EPRS1: variants seen among roughly 807,000 people sequenced by gnomAD.
The protein encoded by EPRS1 is bifunctional glutamate/proline--tRNA ligase.
Under a neutral mutation model 188.3 loss-of-function variants are expected in EPRS1, and 107 were observed. The ratio of observed to expected loss-of-function variants is 0.57; its 90% CI spans 0.49 to 0.67. The LOEUF (loss-of-function observed/expected upper bound fraction) is 0.67, where lower values mean the gene tolerates loss of function less well. Among genes scored for constraint, EPRS1 ranks in the 30% least tolerant of loss-of-function variants. EPRS1 has a pLI of 0.00. For missense variants in EPRS1, 1,577 were observed against 1,802.2 expected, an observed-to-expected ratio of 0.88 and a Z score of 2.26; for synonymous variants, 596 against 593.1, an observed-to-expected ratio of 1.00 and a Z score of -0.07.
At position 219,997,230 on chromosome 1, in the gene EPRS1, C is replaced by A; in HGVS notation, c.2294G>T (p.Arg765Leu). The change falls in exon 18 of 32, where the codon CGT becomes CTT. Residue 765 changes from arginine to leucine, a missense_variant. By Grantham distance (102) the Arg-to-Leu change is moderately radical. Around this residue, in one of 3 missense-constraint regions of EPRS1, gnomAD observed 1,278 missense variants for 1,457.4 expected, o/e 0.88. Transcript: ENST00000366923. Reference sequence around the variant, plus strand: ...TGGTGCTTTCTTGGCTTTTAATTCACGAACCACATCTCCTTGAACAGCCAC... The same window carrying A: ...TGGTGCTTTCTTGGCTTTTAATTCAAGAACCACATCTCCTTGAACAGCCAC... ...NRVAVQGDVV[R>L]ELKAKKAPKE... The A allele has an allele frequency of 6.2e-7, 1 of 1,614,034 alleles. No individual in the cohort carries two copies. Among genetic ancestry groups the A allele is most frequent in the Non-Finnish European group, 8.5e-7 (1 of 1,179,976 alleles).
rs1181760501 is a variant in EPRS1 at position 220,006,280 on chromosome 1, T to A, written c.1776A>T (p.Ala592=). The A allele has an allele frequency of 5.4e-5, 86 of 1,583,566 alleles. No individual in the cohort carries two copies. The highest frequency in any genetic ancestry group is 7.4e-5 in the Non-Finnish European group (86 of 1,162,964). ...AGTCTTTGTTTTCCAAATTCAACTT[T>A]GCATCAAGAGATATGATTTTTCCAT... is the stretch of plus-strand genomic sequence containing the variant. ...NADGKIISLD[A]KLNLENKDYK... The change falls in exon 15 of 32, where the codon GCA becomes GCT. Residue 592 remains alanine, a synonymous_variant. Transcript: ENST00000366923.
chr1:220,039,772 C>T (rs2102600467), intron 2 of EPRS1, among the ~76,000 whole-genome samples: 1 of 152,308 alleles, frequency 6.6e-6, no homozygotes, highest in South Asian at 2.1e-4. Context: ...CCTGCCTCAG[C>T]CTCCCAAAGT....
chr1:220,033,294 ACG>A, intron 4 of EPRS1, among the ~76,000 whole-genome samples: 2 of 152,114 alleles, frequency 1.3e-5, no homozygotes, highest in East Asian at 1.9e-4. Context: ...AGACGACGGG[ACG>A]GCAGAAAAAC....
intron 24 of EPRS1, among the ~76,000 whole-genome samples, chr1:219,981,145 G>C (rs1694600): frequency 0.82 from 124,815 of 152,042 alleles, 51,280 homozygotes; most frequent in East Asian, 0.91. Flanking sequence ...GTGATCTGTC[G>C]GCTCGACCTC....
At chr1:219,972,347 T>C (rs1244298289) in intron 29 of EPRS1, among the ~76,000 whole-genome samples, 200 bp from the exon 30 acceptor site, 1 of 152,186 alleles carries the variant, frequency 6.6e-6, no homozygotes, top group Non-Finnish European at 1.5e-5. Flanking sequence ...CTTAAATGCA[T>C]GGGAAATGTG....
At chr1:220,023,362 T>TA (rs1455132053) in intron 8 of EPRS1, among the ~76,000 whole-genome samples, 1 of 152,118 alleles carries the variant, frequency 6.6e-6, no homozygotes, top group Non-Finnish European at 1.5e-5. Flanking sequence ...CTTTTCAAAA[T>TA]AAAAAAGACT....
chr1:219,974,763 G>A lies in EPRS1; in HGVS notation c.4084-1365C>T, dbSNP rs188346966. Among the ~76,000 whole-genome samples the A allele has an allele frequency of 2.3e-3, 346 of 152,082 alleles. 2 individuals are homozygous for A. Among genetic ancestry groups the A allele is most frequent in the African/African-American group, 7.4e-3 (305 of 41,492 alleles). ...AGTTATTTATCCAATGTATTATACT[G>A]GATGTATTACATGCATTTGTAAGAT... On this transcript the variant is annotated intron_variant, in intron 28 of 31. Coordinates refer to ENST00000366923, the MANE Select transcript of EPRS1 (RefSeq NM_004446.3).
rs577103810 is a variant in EPRS1, at chr1:219,983,341, G to A, written c.3148C>T (p.Arg1050Cys). 8 of 1,613,934 alleles carry A rather than the reference G, an allele frequency of 5.0e-6. No homozygotes were observed. Among genetic ancestry groups the A allele is most frequent in the East Asian group, 2.2e-5 (1 of 44,854 alleles). The change falls in exon 22 of 32, where the codon CGT becomes TGT. Residue 1050 changes from arginine to cysteine, a missense_variant. By Grantham distance (180) the Arg-to-Cys change is radical (BLOSUM62 -3). Around this residue, in one of 3 missense-constraint regions of EPRS1, gnomAD observed 1,278 missense variants for 1,457.4 expected, o/e 0.88. Transcript: ENST00000366923. ...TCCCAAATGGCATAGGCCCAGGGACGAAGAATATAACAGCCACTTATGTCA... is the reference window on the plus strand; with the variant it reads ...TCCCAAATGGCATAGGCCCAGGGACAAAGAATATAACAGCCACTTATGTCA... Reference protein sequence around the residue: ...YHDISGCYILRPWAYAIWEAI... With the variant: ...YHDISGCYILCPWAYAIWEAI...
chr1:219,982,482 A>G, intron 23 of EPRS1: 1 of 237,326 alleles, frequency 4.2e-6, no homozygotes, highest in Non-Finnish European at 8.0e-6. Flanking sequence ...TTCCAACAAT[A>G]AAAATTATTC....
chr1:219,985,669 T>C (rs1338065653), intron 20 of EPRS1, among the ~76,000 whole-genome samples: 6 of 152,184 alleles, frequency 3.9e-5, no homozygotes, highest in Non-Finnish European at 5.9e-5. Flanking sequence ...CCTCCCAAAG[T>C]GCTGGCATTA....
At chr1:219,982,277 C>T (rs1336441646) in intron 23 of EPRS1, among the ~76,000 whole-genome samples, 1 of 152,142 alleles carries the variant, frequency 6.6e-6, no homozygotes, top group East Asian at 1.9e-4. Context: ...CTTTCAGAGA[C>T]TTTTCTTTAC....
chr1:220,006,146 T>C lies in EPRS1; in HGVS notation c.1910A>G (p.Lys637Arg), dbSNP rs1661480523. ...GACATACTGCTTAAAGTCCTCGTCT[T>C]TTCCTAGCACTGGCTTTGTGATCAA... is the stretch of plus-strand genomic sequence containing the variant. ...EHLITKPVLGKDEDFKQYVNK... is the reference protein window; with the variant it reads ...EHLITKPVLGRDEDFKQYVNK... The change falls in exon 15 of 32, where the codon AAA becomes AGA. Residue 637 changes from lysine to arginine, a missense_variant. By Grantham distance (26) the Lys-to-Arg change is conservative. Coordinates refer to ENST00000366923, the MANE Select transcript of EPRS1 (RefSeq NM_004446.3). 1 of 1,594,934 alleles carries C rather than the reference T, an allele frequency of 6.3e-7. No homozygotes were observed. The highest frequency in any genetic ancestry group is 2.3e-5 in the East Asian group (1 of 44,152).
intron 1 of EPRS1, among the ~76,000 whole-genome samples, chr1:220,043,459 G>A (rs1161344667): frequency 6.6e-6 from 1 of 152,166 alleles, no homozygotes; most frequent in Non-Finnish European, 1.5e-5. Context: ...GAATGGGAAA[G>A]TCACTATCTC....
At chr1:220,039,255 C>G (rs924039534) in intron 2 of EPRS1, among the ~76,000 whole-genome samples, 1 of 152,070 alleles carries the variant, frequency 6.6e-6, no homozygotes, top group Non-Finnish European at 1.5e-5. Flanking sequence ...AGCTGGGTGC[C>G]AAGGGATCCC....
At chr1:219,996,010 T>C (rs1427851594) in intron 18 of EPRS1, among the ~76,000 whole-genome samples, 1 of 152,184 alleles carries the variant, frequency 6.6e-6, no homozygotes, top group Non-Finnish European at 1.5e-5. Context: ...TGGCAGCTCA[T>C]CAGGGGCTGA....
Position 219,973,831 on chromosome 1 carries a change from G to C in EPRS1, c.4084-433C>G, listed in dbSNP as rs146478862. Among the ~76,000 whole-genome samples the C allele has an allele frequency of 1.8e-3, 274 of 152,228 alleles. 1 individual carries two copies. Among genetic ancestry groups the C allele is most frequent in the African/African-American group, 6.0e-3 (250 of 41,546 alleles). ...TCTGGTTGAAAAGTCCTCATTCTGG[G>C]TACTCTTATCTTTAGCATGCATTAT... is the stretch of plus-strand genomic sequence containing the variant. On this transcript the variant is annotated intron_variant, in intron 28 of 31. Transcript: ENST00000366923.
chr1:219,987,466 A>C, intron 19 of EPRS1, 62 bp from the exon 20 acceptor site: 2 of 1,321,202 alleles, frequency 1.5e-6, no homozygotes, highest in Non-Finnish European at 2.1e-6. Flanking sequence ...TTGTCTAAGC[A>C]CACTTAAACA....
intron 13 of EPRS1, among the ~76,000 whole-genome samples, chr1:220,009,690 A>T (rs2789804): frequency 0.8 from 120,319 of 150,522 alleles, 48,199 homozygotes; most frequent in East Asian, 0.92. Context: ...TTTCAAAATT[A>T]AGAAAAAAAA....
intron 4 of EPRS1, 91 bp downstream of exon 4, chr1:220,033,411 A>G: frequency 1.1e-6 from 1 of 883,550 alleles, no homozygotes; most frequent in Non-Finnish European, 1.8e-6. Context: ...ACACACATAT[A>G]CATACATGCA....
Sources: gnomAD v4.1 joint callset for allele counts (sites outside exome capture counted in the v4.1 genomes callset) on GRCh38, gnomAD v4.1.1 for gene constraint, gnomAD v4.1.1 regional missense constraint, MANE v1.5 for transcripts, NCBI Gene and HGNC (gene_info 2026-07-23, HGNC 2026-07-21) for gene names.